Variants in ZKSCAN8 observed in about 807,000 individuals in gnomAD.
The protein encoded by ZKSCAN8 is zinc finger with KRAB and SCAN domains 8, also known as zinc finger protein with KRAB and SCAN domains 8.
In ZKSCAN8, 27 loss-of-function variants were observed where a neutral mutation model predicts 57.2. The ratio of observed to expected loss-of-function variants is 0.47; its 90% confidence interval spans 0.35 to 0.65. The LOEUF (loss-of-function observed/expected upper bound fraction) is 0.65. Among genes scored for constraint, ZKSCAN8 ranks in the 30% least tolerant of loss-of-function variants. The probability of loss-of-function intolerance (pLI) is 0.01; values close to 1 mark genes in which losing one functional copy is unlikely to be tolerated. For synonymous variants in ZKSCAN8, 214 were observed against 248.7 expected (o/e 0.86, Z 1.31); for missense variants, 597 against 696.3 (o/e 0.86, Z 1.60).
intron 3 of ZKSCAN8, among the ~76,000 whole-genome samples, chr6:28,151,135 A>C (rs1765578181): frequency 6.6e-6 from 1 of 152,118 alleles, no homozygotes; most frequent in Non-Finnish European, 1.5e-5. Context: ...ATCATCTCAG[A>C]TTTGGCCATA....
intron 2 of ZKSCAN8, 38 bp from the exon 3 acceptor site, chr6:28,149,445 A>C: frequency 6.2e-7 from 1 of 1,610,152 alleles, no homozygotes; most frequent in Non-Finnish European, 8.5e-7. Flanking sequence ...ACATTTCGCA[A>C]AGGGATTCCT....
chr6:28,155,994 TAAG>T lies in ZKSCAN8; in HGVS notation c.*1980_*1982del. On this transcript the variant is annotated 3_prime_UTR_variant, in exon 6 of 6. Coordinates refer to ENST00000330236, the MANE Select transcript of ZKSCAN8 (RefSeq NM_006298.4). ...CCTAGTTTCTTTGTACTTGAAATTT[TAAG>T]AAACCAGAAACAAGTAAATCTGGTT... The T allele has an allele frequency of 2.5e-6, 1 of 396,434 alleles. No individual in the cohort carries two copies. The highest frequency in any genetic ancestry group is 4.4e-6 in the Non-Finnish European group (1 of 224,970). 24.6% of individuals were successfully genotyped at this position (396,434 alleles called of 1,614,324 possible). A position where few individuals can be genotyped will look rare whatever the true frequency, so the allele number is the denominator to read the frequency against.
chr6:28,151,792 C>T, intron 3 of ZKSCAN8, 53 bp from the exon 4 acceptor site: 1 of 1,463,338 alleles, frequency 6.8e-7, no homozygotes, highest in Non-Finnish European at 9.6e-7. Context: ...AGTGCCAGCT[C>T]CCACAACCAC....
chr6:28,143,844 A>G (rs1317925504), intron 1 of ZKSCAN8, among the ~76,000 whole-genome samples: 1 of 152,228 alleles, frequency 6.6e-6, no homozygotes, highest in Non-Finnish European at 1.5e-5. Context: ...TTTTAAAATT[A>G]GCTAAGACCA....
intron 1 of ZKSCAN8, among the ~76,000 whole-genome samples, chr6:28,147,364 T>G (rs1376177468): frequency 6.6e-6 from 1 of 152,054 alleles, no homozygotes; most frequent in Non-Finnish European, 1.5e-5. Flanking sequence ...TATTAGAATA[T>G]CTAAAATTAA....
rs114626973 is a variant in ZKSCAN8, at chr6:28,152,643, A to G, written c.775+259A>G. ...TCTCAGAGGTGCTCTCTGAGTTCAT[A>G]TATTTCTTCTCCAAGTTGTCATGGG... On this transcript the variant is annotated intron_variant, in intron 5 of 5. Coordinates refer to ENST00000330236, the MANE Select transcript of ZKSCAN8 (RefSeq NM_006298.4). 5.7e-3 allele frequency among the ~76,000 whole-genome samples: 864 copies of G among 152,294 alleles called. 10 individuals carry two copies. Among genetic ancestry groups the G allele is most frequent in the African/African-American group, 0.02 (841 of 41,564 alleles).
intron 2 of ZKSCAN8, 85 bp downstream of exon 2, chr6:28,148,909 G>C (rs2113585003): frequency 6.9e-7 from 1 of 1,442,942 alleles, no homozygotes; most frequent in Middle Eastern, 1.8e-4. Context: ...TGGGAGAGCA[G>C]ATGCTTAGCA....
In ZKSCAN8 at chr6:28,148,405, C is replaced by T. The variant is rs369500730; in HGVS notation, c.-3C>T. The T allele has an allele frequency of 1.2e-6, 2 of 1,607,690 alleles. No individual in the cohort carries two copies. Among genetic ancestry groups the T allele is most frequent in the Non-Finnish European group, 1.7e-6 (2 of 1,175,788 alleles). ...ACGAACTTCCTGAGCTTTTCAGGCT[C>T]TAATGGCTGAAGAATCAAGAAAGCC... On this transcript the variant is annotated 5_prime_UTR_variant, in exon 2 of 6. Coordinates refer to ENST00000330236, the MANE Select transcript of ZKSCAN8 (RefSeq NM_006298.4).
chr6:28,153,770 G>A lies in ZKSCAN8; in HGVS notation c.1490G>A (p.Arg497Lys), dbSNP rs866337221. Residue 497 changes from arginine to lysine, a missense_variant, in exon 6 of 6, where the codon AGG (arginine) becomes AAG (lysine). Arg to Lys is a conservative substitution (Grantham distance 26). Coordinates refer to ENST00000330236, the MANE Select transcript of ZKSCAN8 (RefSeq NM_006298.4). ...EKPYKCNECG[R>K]AFSQKSGLIE... Reference sequence around the variant, plus strand: ...CCCTACAAATGCAATGAGTGTGGGAGGGCCTTCAGTCAGAAGTCAGGCCTT... The same window carrying A: ...CCCTACAAATGCAATGAGTGTGGGAAGGCCTTCAGTCAGAAGTCAGGCCTT... 2.5e-6 allele frequency: 4 copies of A among 1,612,924 alleles called. No homozygotes were observed. The highest frequency in any genetic ancestry group is 3.4e-6 in the Non-Finnish European group (4 of 1,179,674).
In ZKSCAN8 at chr6:28,153,687, A is replaced by G. The variant is rs756435534; in HGVS notation, c.1407A>G (p.Lys469=). ...CCTATGAGTGTGATGAGTGTGGGAA[A>G]ACCTTCAGGCGGAGCTCACATCTTA... ...EKPYECDECG[K]TFRRSSHLIG... Residue 469 remains lysine, a synonymous_variant, in exon 6 of 6, where the codon AAA becomes AAG. Transcript: ENST00000330236. The G allele has an allele frequency of 1.2e-6, 2 of 1,613,890 alleles. No homozygotes were observed. Among genetic ancestry groups the G allele is most frequent in the South Asian group, 2.2e-5 (2 of 91,062 alleles).
Position 28,158,376 on chromosome 6 carries a change from C to T in ZKSCAN8, c.*4359C>T, listed in dbSNP as rs979380162. On this transcript the variant is annotated 3_prime_UTR_variant, in exon 6 of 6. Transcript: ENST00000330236. Reference sequence around the variant, plus strand: ...TTCGAATGACTTCATTTTTCCCACCCTGTGGGTCAGTTTGTGACTTTTGGA... The same window carrying T: ...TTCGAATGACTTCATTTTTCCCACCTTGTGGGTCAGTTTGTGACTTTTGGA... 7 of 152,122 alleles carry T rather than the reference C, an allele frequency of 4.6e-5. No homozygotes were observed. The highest frequency in any genetic ancestry group is 1.7e-4 in the African/African-American group (7 of 41,404). The allele number at this position is 152,122 out of a possible 1,614,324, so 9.4% of individuals were successfully genotyped here. A position where few individuals can be genotyped will look rare whatever the true frequency, so the allele number is the denominator to read the frequency against.
chr6:28,153,567 T>C lies in ZKSCAN8; in HGVS notation c.1287T>C (p.Ser429=), dbSNP rs200759050. Residue 429 remains serine (S), a synonymous_variant, in exon 6 of 6, where the codon AGT becomes AGC. Transcript: ENST00000330236. ...TTATTCTGCACCAGAGAATCCACAG[T>C]GGAGAGAGACCCTATGAATGTAATG... ...AGLILHQRIH[S]GERPYECNEC... The C allele has an allele frequency of 9.3e-6, 15 of 1,613,660 alleles. No individual in the cohort carries two copies. In the East Asian group the frequency reaches 3.3e-4, roughly 36 times the overall value.
chr6:28,154,298 C>T lies in ZKSCAN8; in HGVS notation c.*281C>T, dbSNP rs993201194. The T allele has an allele frequency of 2.0e-5, 6 of 306,126 alleles. No homozygotes were observed. The highest frequency in any genetic ancestry group is 3.6e-5 in the Non-Finnish European group (6 of 167,908). 19.0% of individuals were successfully genotyped at this position (306,126 alleles called of 1,614,324 possible). Reference sequence around the variant, plus strand: ...CATTAGAGCAAGTTGCTTGTCATGGCTTGAAGAGCTTAACTTTGTCTTTTG... The same window carrying T: ...CATTAGAGCAAGTTGCTTGTCATGGTTTGAAGAGCTTAACTTTGTCTTTTG... On this transcript the variant is annotated 3_prime_UTR_variant, in exon 6 of 6. Coordinates refer to ENST00000330236, the MANE Select transcript of ZKSCAN8 (RefSeq NM_006298.4).
In ZKSCAN8 at chr6:28,149,387, A is replaced by G. The variant is rs1023004815; in HGVS notation, c.418-96A>G. 5 of 1,468,046 alleles carry G rather than the reference A, an allele frequency of 3.4e-6. No homozygotes were observed. In the Admixed American group the frequency reaches 1.0e-4, roughly 31 times the overall value. The allele number at this position is 1,468,046 out of a possible 1,614,324, so 90.9% of individuals were successfully genotyped here. On this transcript the variant is annotated intron_variant, in intron 2 of 5. Coordinates refer to ENST00000330236, the MANE Select transcript of ZKSCAN8 (RefSeq NM_006298.4). ...GAAGATTCTGCTGCTTCCTTCCCCAAGCATATATCCCTGTAGATGTGTTCG... is the reference window on the plus strand; with the variant it reads ...GAAGATTCTGCTGCTTCCTTCCCCAGGCATATATCCCTGTAGATGTGTTCG...
Position 28,153,722 on chromosome 6 carries a change from A to G in ZKSCAN8, c.1442A>G (p.Gln481Arg). The G allele has an allele frequency of 6.2e-7, 1 of 1,613,180 alleles. No homozygotes were observed. The highest frequency in any genetic ancestry group is 8.5e-7 in the Non-Finnish European group (1 of 1,179,690). Residue 481 changes from glutamine (Q) to arginine (R), a missense_variant, in exon 6 of 6, where the codon CAG becomes CGG. Physicochemically the swap from Gln to Arg is conservative, Grantham distance 43. Transcript: ENST00000330236. The part of the protein sequence containing the change: ...FRRSSHLIGH[Q>R]RSHTGEKPYK... ...CGGAGCTCACATCTTATTGGTCATCAGAGGAGCCACACTGGGGAGAAACCC... is the reference window on the plus strand; with the variant it reads ...CGGAGCTCACATCTTATTGGTCATCGGAGGAGCCACACTGGGGAGAAACCC...
intron 4 of ZKSCAN8, 128 bp downstream of exon 4, chr6:28,152,064 G>C (rs890248319): frequency 7.3e-7 from 1 of 1,373,330 alleles, no homozygotes; most frequent in Non-Finnish European, 9.9e-7. Flanking sequence ...AAATTCTTTT[G>C]CCTAGGGACA....
At position 28,153,137 on chromosome 6, in the gene ZKSCAN8, C is replaced by A. The variant is rs1765651543; in HGVS notation, c.857C>A (p.Ala286Asp). 1 of 1,614,204 alleles carries A rather than the reference C, an allele frequency of 6.2e-7. No individual in the cohort carries two copies. The highest frequency in any genetic ancestry group is 1.1e-5 in the South Asian group (1 of 91,084). ...STGIQPHGET[A>D]AKCNGDVIRG... ...GGAATCCAGCCACATGGAGAGACAG[C>A]TGCCAAATGCAACGGGGATGTTATC... The change falls in exon 6 of 6, where the codon GCT (alanine) becomes GAT (aspartate). Residue 286 changes from alanine to aspartate, a missense_variant. By Grantham distance (126) the Ala-to-Asp change is moderately radical (BLOSUM62 -2). Coordinates refer to ENST00000330236, the MANE Select transcript of ZKSCAN8 (RefSeq NM_006298.4).
In ZKSCAN8 at chr6:28,144,943, G is replaced by A. The variant is rs1345807462; in HGVS notation, c.-93+2914G>A. Among the ~76,000 whole-genome samples, 1 of 152,186 alleles carries A rather than the reference G, an allele frequency of 6.6e-6. No homozygotes were observed. The highest frequency in any genetic ancestry group is 1.9e-4 in the East Asian group (1 of 5,196). ...GTGGTGGAGGGCGCCTGTAGTCCCA[G>A]CTACTCGGGAGGCCGAGGCAGGAGA... On this transcript the variant is annotated intron_variant, in intron 1 of 5. Coordinates refer to ENST00000330236, the MANE Select transcript of ZKSCAN8 (RefSeq NM_006298.4). This position sits in a 1 kb window ranked among gnomAD's most constrained non-coding sequence, Gnocchi z 4.5.
At chr6:28,151,365 G>T (rs1443836687) in intron 3 of ZKSCAN8, among the ~76,000 whole-genome samples, 2 of 152,098 alleles carry the variant, frequency 1.3e-5, no homozygotes, top group Non-Finnish European at 2.9e-5. Context: ...AAGTCCTAAA[G>T]CTTGTTACCT....
Sources: gnomAD v4.1 joint callset for allele counts (sites outside exome capture counted in the v4.1 genomes callset) on GRCh38, gnomAD v4.1.1 for gene constraint, Gnocchi (gnomAD v3.1) non-coding constraint, MANE v1.5 for transcripts, NCBI Gene and HGNC (gene_info 2026-07-23, HGNC 2026-07-21) for gene names.